Variants in ANO6 observed in about 807,000 individuals in gnomAD.
ANO6 encodes anoctamin-6.
A neutral mutation model predicts 117.5 loss-of-function variants in ANO6; 106 were observed. The ratio of observed to expected loss-of-function variants is 0.90; its 90% CI spans 0.77 to 1.06. ANO6 has a LOEUF of 1.06. Among genes scored for constraint, ANO6 ranks in the 50% least tolerant of loss-of-function variants. ANO6 has a pLI of 0.00. For synonymous variants in ANO6, 367 were observed against 385.1 expected, an observed-to-expected ratio of 0.95 and a Z score of 0.55; for missense variants, 955 against 1,121.1, an observed-to-expected ratio of 0.85 and a Z score of 2.12.
In ANO6 at chr12:45,431,936, A is replaced by C; in HGVS notation, c.*2625A>C. On this transcript the variant is annotated 3_prime_UTR_variant, in exon 20 of 20. Transcript: ENST00000320560. ...GGGGATTTTTCATTAAACATCCCTC[A>C]GATAATTTAGCTATATATCATTAGA... 1 of 985,234 alleles carries C rather than the reference A, an allele frequency of 1.0e-6. No homozygotes were observed. The allele number at this position is 985,234 out of a possible 1,614,324, so 61.0% of individuals were successfully genotyped here.
At chr12:45,411,559 T>C (rs1195890885) in intron 16 of ANO6, among the ~76,000 whole-genome samples, 2 of 152,210 alleles carry the variant, frequency 1.3e-5, no homozygotes, top group East Asian at 3.8e-4. Flanking sequence ...GTGCCTTTGG[T>C]ATTGGTCTCA....
chr12:45,389,419 A>G (rs1942383427), intron 11 of ANO6, among the ~76,000 whole-genome samples: 1 of 152,166 alleles, frequency 6.6e-6, no homozygotes, highest in African/African-American at 2.4e-5. Flanking sequence ...TTTGAGCACT[A>G]AAAAATCTTA....
chr12:45,369,482 CCT>C (rs767591054), intron 9 of ANO6, among the ~76,000 whole-genome samples: 7 of 151,494 alleles, frequency 4.6e-5, no homozygotes, highest in South Asian at 2.1e-4. Context: ...CAAATATACC[CCT>C]GTGTGCATTT....
intron 16 of ANO6, among the ~76,000 whole-genome samples, chr12:45,411,391 A>G (rs1471405685): frequency 1.3e-5 from 2 of 152,194 alleles, no homozygotes; most frequent in Admixed American, 1.3e-4. Flanking sequence ...GTATCTAATG[A>G]CTTAGAAAAC....
At chr12:45,406,814 C>A (rs1270856168) in intron 15 of ANO6, among the ~76,000 whole-genome samples, 1 of 152,082 alleles carries the variant, frequency 6.6e-6, no homozygotes, top group Non-Finnish European at 1.5e-5. Context: ...GTAGAACGTC[C>A]TAAACAGAAA....
chr12:45,342,240 G>C (rs1207052722), intron 3 of ANO6, among the ~76,000 whole-genome samples: 1 of 152,146 alleles, frequency 6.6e-6, no homozygotes, highest in East Asian at 1.9e-4. Flanking sequence ...ATGAGTTGTA[G>C]CCTCAGTTTA....
At chr12:45,222,514 C>G (rs1166277140) in intron 1 of ANO6, among the ~76,000 whole-genome samples, 1 of 152,038 alleles carries the variant, frequency 6.6e-6, no homozygotes, top group Non-Finnish European at 1.5e-5. Context: ...CAGTGGTTCC[C>G]TGTGATATTA....
chr12:45,258,884 C>T (rs6582540), intron 1 of ANO6, among the ~76,000 whole-genome samples: 151,229 of 152,348 alleles, frequency 0.99, 75,077 homozygotes, highest in Middle Eastern at 1. Context: ...CTCAGGTTGC[C>T]GACAGTCTGA....
At chr12:45,275,249 C>T (rs138653799) in intron 1 of ANO6, among the ~76,000 whole-genome samples, 2,644 of 152,192 alleles carry the variant, frequency 0.017, 56 homozygotes, top group East Asian at 0.085. Context: ...CTTGCTCTGT[C>T]GCCCAGGCTG....
Position 45,431,535 on chromosome 12 carries a change from G to GA in ANO6, c.*2232dup, listed in dbSNP as rs112768194. On this transcript the variant is annotated 3_prime_UTR_variant, in exon 20 of 20. Coordinates refer to ENST00000320560, the MANE Select transcript of ANO6 (RefSeq NM_001025356.3). ...AAATGTGCTGCTGTGGACAGGAGGG[G>GA]AAAAAAAACCCTCTACATATTGAAA... 23,817 of 985,142 alleles carry GA rather than the reference G, an allele frequency of 0.024. 354 individuals are homozygous for GA. The highest frequency in any genetic ancestry group is 0.064 in the African/African-American group (3,638 of 57,264). The allele number at this position is 985,142 out of a possible 1,614,324, so 61.0% of individuals were successfully genotyped here.
At chr12:45,254,059 C>T (rs909302367) in intron 1 of ANO6, among the ~76,000 whole-genome samples, 1 of 152,066 alleles carries the variant, frequency 6.6e-6, no homozygotes, top group African/African-American at 2.4e-5. Context: ...CCCAACTACT[C>T]AGGAGGCTGA....
intron 1 of ANO6, among the ~76,000 whole-genome samples, chr12:45,265,327 A>G (rs1192442492): frequency 1.3e-5 from 2 of 152,186 alleles, no homozygotes; most frequent in Admixed American, 6.5e-5. Context: ...TCCATTTCCA[A>G]AAAGACAGAT....
intron 19 of ANO6, among the ~76,000 whole-genome samples, chr12:45,438,017 T>G (rs1406212234): frequency 2.0e-5 from 3 of 152,186 alleles, no homozygotes; most frequent in Non-Finnish European, 1.5e-5. Flanking sequence ...CTTTCCACTC[T>G]CTATGCATGT....
rs1221794210 is a variant in ANO6 at position 45,273,843 on chromosome 12, A to ACT, written c.71-28170_71-28169dup. Among the ~76,000 whole-genome samples the ACT allele has an allele frequency of 2.0e-5, 3 of 152,248 alleles. No individual in the cohort carries two copies. In the East Asian group the frequency reaches 5.8e-4, roughly 29 times the overall value. On this transcript the variant is annotated intron_variant, in intron 1 of 19. Transcript: ENST00000320560. ...AACAGAGGCATAGTGTTCTAAATGA[A>ACT]CTGAGGGTTACTAAGTGGTCTGAAT...
At chr12:45,306,017 A>G (rs985222013) in intron 2 of ANO6, among the ~76,000 whole-genome samples, 3 of 152,192 alleles carry the variant, frequency 2.0e-5, no homozygotes, top group African/African-American at 7.2e-5. Flanking sequence ...CAGTTGCCTG[A>G]GTACACATGA....
At chr12:45,310,564 C>T (rs1939816621) in intron 2 of ANO6, among the ~76,000 whole-genome samples, 1 of 152,074 alleles carries the variant, frequency 6.6e-6, no homozygotes, top group South Asian at 2.1e-4. Flanking sequence ...AGCTTACTAG[C>T]TTCTATATTA....
At chr12:45,437,942 G>A (rs1189572305) in intron 19 of ANO6, among the ~76,000 whole-genome samples, 1 of 152,166 alleles carries the variant, frequency 6.6e-6, no homozygotes, top group Non-Finnish European at 1.5e-5. Flanking sequence ...GCTAATCATA[G>A]CATTTACATT....
intron 1 of ANO6, among the ~76,000 whole-genome samples, chr12:45,253,162 C>T (rs1937685532): frequency 6.6e-6 from 1 of 152,194 alleles, no homozygotes; most frequent in Non-Finnish European, 1.5e-5. Flanking sequence ...GAGCAGGGAA[C>T]ATTCTGTAAT....
At chr12:45,225,736 G>T (rs183594533) in intron 1 of ANO6, among the ~76,000 whole-genome samples, 1 of 152,012 alleles carries the variant, frequency 6.6e-6, no homozygotes, top group African/African-American at 2.4e-5. Context: ...TTATCCTCCC[G>T]CCTCGGCCTT....
Sources: gnomAD v4.1 joint callset for allele counts (sites outside exome capture counted in the v4.1 genomes callset) on GRCh38, gnomAD v4.1.1 for gene constraint, MANE v1.5 for transcripts, NCBI Gene and HGNC (gene_info 2026-07-23, HGNC 2026-07-21) for gene names.